The following IGF2BP3 variants were observed in gnomAD, a reference collection of about 807,000 sequenced individuals.
The protein encoded by IGF2BP3 is insulin like growth factor 2 mRNA binding protein 3.
A neutral mutation model predicts 73.8 loss-of-function variants in IGF2BP3; 9 were observed. That is an observed-to-expected ratio of 0.12 (90% CI 0.07 to 0.21). IGF2BP3 has a LOEUF of 0.21. IGF2BP3 is among the 10% of genes least tolerant of loss of function. The pLI, the probability that IGF2BP3 is intolerant of heterozygous loss-of-function variation, is 1.00. For missense variants in IGF2BP3, 542 were observed against 714.0 expected, an observed-to-expected ratio of 0.76 and a Z score of 2.75; for synonymous variants, 258 against 256.7, an observed-to-expected ratio of 1.01 and a Z score of -0.05.
At chr7:23,390,736 T>C (rs1422767760) in intron 3 of IGF2BP3, among the ~76,000 whole-genome samples, 10 of 152,140 alleles carry the variant, frequency 6.6e-5, no homozygotes, top group Admixed American at 5.9e-4. Flanking sequence ...GCATACAACT[T>C]TCGTTTTTGA....
intron 11 of IGF2BP3, 83 bp downstream of exon 11, chr7:23,319,055 A>G: frequency 1.1e-6 from 1 of 899,848 alleles, no homozygotes; most frequent in South Asian, 1.5e-5. Flanking sequence ...TTTACATTCT[A>G]TTCAAATTAT....
chr7:23,336,600 G>A (rs1333984064), intron 10 of IGF2BP3, among the ~76,000 whole-genome samples: 2 of 151,722 alleles, frequency 1.3e-5, no homozygotes, highest in African/African-American at 2.4e-5. Context: ...CCACCTCCTC[G>A]GCTCATCGCA....
chr7:23,409,736 C>T (rs1437426982), intron 3 of IGF2BP3, among the ~76,000 whole-genome samples: 2 of 151,756 alleles, frequency 1.3e-5, no homozygotes, highest in African/African-American at 2.4e-5. Context: ...AAAATTAACT[C>T]AAAATGCACC....
chr7:23,448,314 T>C (rs748126443), intron 2 of IGF2BP3, among the ~76,000 whole-genome samples: 11 of 152,360 alleles, frequency 7.2e-5, no homozygotes, highest in Middle Eastern at 3.4e-3. Context: ...AGAACTTAAG[T>C]GTATCGATAG....
At chr7:23,407,939 TGGGGGGC>T (rs1786889889) in intron 3 of IGF2BP3, among the ~76,000 whole-genome samples, 1 of 4,352 alleles carries the variant, frequency 2.3e-4, no homozygotes, top group African/African-American at 1.4e-3. Context: ...TCAACATTTG[TGGGGGGC>T]AGGGGGCGGG....
chr7:23,323,200 G>C (rs954780288), intron 10 of IGF2BP3, among the ~76,000 whole-genome samples: 1 of 151,898 alleles, frequency 6.6e-6, no homozygotes, highest in African/African-American at 2.4e-5. Context: ...ACACACATAG[G>C]CTCAAAATAA....
intron 3 of IGF2BP3, among the ~76,000 whole-genome samples, chr7:23,379,042 T>C (rs759462838): frequency 2.5e-4 from 38 of 152,236 alleles, no homozygotes; most frequent in Non-Finnish European, 5.4e-4. Flanking sequence ...CAGAGTTCTA[T>C]GGAAGAAAGC....
intron 3 of IGF2BP3, among the ~76,000 whole-genome samples, chr7:23,380,640 T>G (rs1221105405): frequency 6.6e-6 from 1 of 152,242 alleles, no homozygotes; most frequent in East Asian, 1.9e-4. Context: ...CAGTCTTGGT[T>G]AACTCCCTGT....
At chr7:23,425,332 C>T (rs186621841) in intron 2 of IGF2BP3, among the ~76,000 whole-genome samples, 2 of 152,262 alleles carry the variant, frequency 1.3e-5, no homozygotes, top group East Asian at 3.9e-4. Flanking sequence ...TCACTGCAAC[C>T]CCCTTTGTAT....
At chr7:23,457,508 G>A (rs894599465) in intron 2 of IGF2BP3, among the ~76,000 whole-genome samples, 12 of 152,038 alleles carry the variant, frequency 7.9e-5, no homozygotes, top group African/African-American at 1.7e-4. Context: ...GAAGTCTGAT[G>A]GCATACACGT....
chr7:23,455,981 G>C (rs932349700), intron 2 of IGF2BP3, among the ~76,000 whole-genome samples: 1 of 152,112 alleles, frequency 6.6e-6, no homozygotes, highest in African/African-American at 2.4e-5. Context: ...CACTGCGCCC[G>C]GCAGGGTCTT....
intron 2 of IGF2BP3, among the ~76,000 whole-genome samples, chr7:23,432,738 T>C (rs1787717538): frequency 1.3e-5 from 2 of 152,072 alleles, no homozygotes; most frequent in Non-Finnish European, 2.9e-5. Context: ...CCTCCGAGGT[T>C]CATGAGATCC....
chr7:23,316,311 T>C (rs1404866715), intron 12 of IGF2BP3, among the ~76,000 whole-genome samples: 1 of 152,096 alleles, frequency 6.6e-6, no homozygotes, highest in African/African-American at 2.4e-5. Flanking sequence ...TTTTGTTTGA[T>C]TTAAGGGAGA....
chr7:23,454,244 T>C (rs1788265012), intron 2 of IGF2BP3, among the ~76,000 whole-genome samples: 1 of 152,214 alleles, frequency 6.6e-6, no homozygotes, highest in Non-Finnish European at 1.5e-5. Flanking sequence ...CCTGGTCTAT[T>C]ATTTCCTTTA....
At chr7:23,344,301 T>C (rs772982717) in intron 8 of IGF2BP3, among the ~76,000 whole-genome samples, 57 of 152,200 alleles carry the variant, frequency 3.7e-4, no homozygotes, top group Non-Finnish European at 1.5e-4. Flanking sequence ...TCTCGTGCAA[T>C]TGCATTTTCT....
chr7:23,424,903 T>C (rs901328256), intron 2 of IGF2BP3, among the ~76,000 whole-genome samples: 1 of 152,206 alleles, frequency 6.6e-6, no homozygotes, highest in Non-Finnish European at 1.5e-5. Context: ...CAAATACCCA[T>C]CACCTGTTTC....
chr7:23,403,011 A>C (rs969274456), intron 3 of IGF2BP3, among the ~76,000 whole-genome samples: 5 of 152,178 alleles, frequency 3.3e-5, no homozygotes, highest in Non-Finnish European at 7.3e-5. Context: ...GTACAGCTTC[A>C]CACAATAAAG....
chr7:23,378,569 GTTTTTTTTT>G (rs1156868701), intron 3 of IGF2BP3, among the ~76,000 whole-genome samples: 1 of 65,884 alleles, frequency 1.5e-5, no homozygotes, highest in East Asian at 4.8e-4. Flanking sequence ...ATTTTTGCTT[GTTTTTTTTT>G]TTTTTTTTTT....
intron 2 of IGF2BP3, among the ~76,000 whole-genome samples, chr7:23,462,277 A>G (rs191488786): frequency 2.0e-5 from 3 of 152,322 alleles, no homozygotes; most frequent in Admixed American, 1.3e-4. Flanking sequence ...CTCCCTCAAC[A>G]ACTAATAATA....
Sources: gnomAD v4.1 joint callset for allele counts (sites outside exome capture counted in the v4.1 genomes callset) on GRCh38, gnomAD v4.1.1 for gene constraint, MANE v1.5 for transcripts, NCBI Gene and HGNC (gene_info 2026-07-23, HGNC 2026-07-21) for gene names.